The following WDR7 variants were observed in gnomAD, a reference collection of about 807,000 sequenced individuals.
The protein encoded by WDR7 is WD repeat domain 7, also known as WD repeat-containing protein 7.
WDR7 carries 46 observed loss-of-function variants against 169.4 expected under a neutral mutation model. The observed-to-expected ratio is 0.27, with a 90% CI of 0.21 to 0.35. The LOEUF (loss-of-function observed/expected upper bound fraction) is 0.35. WDR7 is among the 10% of genes least tolerant of loss of function. The probability of loss-of-function intolerance (pLI) is 1.00; values close to 1 mark genes in which losing one functional copy is unlikely to be tolerated. For missense variants in WDR7, 1,534 were observed against 1,859.3 expected (o/e 0.83, Z 3.22); for synonymous variants, 612 against 666.8 (o/e 0.92, Z 1.27).
chr18:57,000,760 A>G (rs936691018), intron 26 of WDR7, among the ~76,000 whole-genome samples: 3 of 152,210 alleles, frequency 2.0e-5, no homozygotes, highest in Non-Finnish European at 2.9e-5. Flanking sequence ...TAGACTGTCA[A>G]TTCTGGGACT....
At position 56,756,732 on chromosome 18, in the gene WDR7, T is replaced by C; in HGVS notation, c.2139T>C (p.Ala713=). 1 of 1,614,166 alleles carries C rather than the reference T, an allele frequency of 6.2e-7. No individual in the cohort carries two copies. The highest frequency in any genetic ancestry group is 8.5e-7 in the Non-Finnish European group (1 of 1,180,028). The change falls in exon 15 of 28, where the codon GCT becomes GCC. Residue 713 remains alanine, a synonymous_variant. Transcript: ENST00000254442. Reference sequence around the variant, plus strand: ...AAGAAGCCTCTAGGCCGAATACTGCTCTTATTTCCCCAGAGAATTTGCAAA... The same window carrying C: ...AAGAAGCCTCTAGGCCGAATACTGCCCTTATTTCCCCAGAGAATTTGCAAA... The part of the protein sequence containing the change: ...LTEEASRPNT[A]LISPENLQKA...
chr18:56,906,022 A>T lies in WDR7; in HGVS notation c.3527-17900A>T, dbSNP rs374740440. 8.5e-5 allele frequency among the ~76,000 whole-genome samples: 11 copies of T among 129,138 alleles called. No homozygotes were observed. In the South Asian group the frequency reaches 3.2e-3, roughly 38 times the overall value. 84.7% of individuals were successfully genotyped at this position (129,138 alleles called of 152,430 possible). ...GTAGCCAATAAATGAAGAAGGAATGATGGAATATAATCATTTTGCCACCCC... is the reference window on the plus strand; with the variant it reads ...GTAGCCAATAAATGAAGAAGGAATGTTGGAATATAATCATTTTGCCACCCC... On this transcript the variant is annotated intron_variant, in intron 21 of 27. Transcript: ENST00000254442.
chr18:56,695,225 A>G, intron 11 of WDR7, 27 bp downstream of exon 11: 1 of 1,600,030 alleles, frequency 6.2e-7, no homozygotes, highest in East Asian at 2.2e-5. Context: ...CGTATGTCTA[A>G]AGTGTTTTGA....
intron 19 of WDR7, among the ~76,000 whole-genome samples, chr18:56,792,895 C>T (rs2044516769): frequency 6.6e-6 from 1 of 152,020 alleles, no homozygotes; most frequent in African/African-American, 2.4e-5. Context: ...AATTTGTTGT[C>T]ATGCGGGACA....
chr18:56,652,191 C>T (rs975656926), intron 1 of WDR7, among the ~76,000 whole-genome samples: 1 of 152,034 alleles, frequency 6.6e-6, no homozygotes, highest in African/African-American at 2.4e-5. Context: ...TGTTTTTTAC[C>T]CACTTAGTAT....
chr18:56,860,221 T>C (rs17090390), intron 20 of WDR7, among the ~76,000 whole-genome samples: 14,796 of 152,118 alleles, frequency 0.097, 1,866 homozygotes, highest in African/African-American at 0.29. Context: ...TAAAATTAAC[T>C]CGTATTCTAT....
In WDR7 at chr18:56,932,529, A is replaced by G. The variant is rs546835342; in HGVS notation, c.3714-3259A>G. On this transcript the variant is annotated intron_variant, in intron 22 of 27. Coordinates refer to ENST00000254442, the MANE Select transcript of WDR7 (RefSeq NM_015285.3). ...GTGGCTAGGCCTCTTGGCTTGAAGC[A>G]GCAACCTGCTGGTAGTTTATCTCAT... Among the ~76,000 whole-genome samples the G allele has an allele frequency of 1.4e-4, 22 of 152,326 alleles. No homozygotes were observed. In the South Asian group the frequency reaches 4.4e-3, roughly 30 times the overall value.
intron 16 of WDR7, among the ~76,000 whole-genome samples, chr18:56,769,973 G>T (rs1363980902): frequency 6.6e-6 from 1 of 152,072 alleles, no homozygotes; most frequent in East Asian, 1.9e-4. Flanking sequence ...AGCTCAAAGG[G>T]TAGGGACATT....
intron 14 of WDR7, among the ~76,000 whole-genome samples, chr18:56,744,764 C>A (rs1465286821): frequency 6.6e-6 from 1 of 152,160 alleles, no homozygotes; most frequent in African/African-American, 2.4e-5. Flanking sequence ...TGGGAGGTTT[C>A]AAAGGTTCCC....
intron 20 of WDR7, among the ~76,000 whole-genome samples, chr18:56,854,261 A>G (rs1568232184): frequency 1.3e-5 from 2 of 152,238 alleles, no homozygotes; most frequent in Non-Finnish European, 2.9e-5. Context: ...ACTACAAAAC[A>G]TACTTCCTAT....
At chr18:56,815,906 T>C in intron 19 of WDR7, 125 bp from the exon 20 acceptor site, 2 of 729,548 alleles carry the variant, frequency 2.7e-6, no homozygotes, top group East Asian at 2.8e-5. Context: ...CTAATTTTGG[T>C]GAACATATAT....
intron 21 of WDR7, among the ~76,000 whole-genome samples, chr18:56,893,369 A>G (rs1483513228): frequency 6.6e-6 from 1 of 152,094 alleles, no homozygotes; most frequent in East Asian, 1.9e-4. Flanking sequence ...ACAATTTTTT[A>G]TCAAGAAAGG....
chr18:57,009,924 G>T, intron 26 of WDR7: 1 of 985,362 alleles, frequency 1.0e-6, no homozygotes, highest in Non-Finnish European at 1.2e-6. Flanking sequence ...ACCATCTTCC[G>T]TTAACCATAA....
chr18:56,987,621 A>G (rs542371505), intron 26 of WDR7, among the ~76,000 whole-genome samples: 2 of 152,338 alleles, frequency 1.3e-5, no homozygotes, highest in Admixed American at 6.5e-5. Context: ...AAAGAACTAA[A>G]GTTACGTATT....
Position 56,901,645 on chromosome 18 carries a change from G to A in WDR7, c.3526+21480G>A, listed in dbSNP as rs144732031. The stretch of plus-strand genomic sequence containing the variant: ...TCTTTGATTATAATGTACAATAGAT[G>A]TACAAATTCTATATTTAACTTTTAT... On this transcript the variant is annotated intron_variant, in intron 21 of 27. Transcript: ENST00000254442. Among the ~76,000 whole-genome samples the A allele has an allele frequency of 7.1e-3, 1,079 of 152,220 alleles. 15 individuals are homozygous for A. The highest frequency in any genetic ancestry group is 0.024 in the Middle Eastern group (7 of 294).
At chr18:57,009,496 T>C (rs1004039950) in intron 26 of WDR7, among the ~76,000 whole-genome samples, 5 of 150,974 alleles carry the variant, frequency 3.3e-5, no homozygotes, top group Middle Eastern at 3.4e-3. Context: ...CAGAACAACA[T>C]ACAACATAAA....
chr18:56,917,088 T>G (rs1281333995), intron 21 of WDR7, among the ~76,000 whole-genome samples: 1 of 152,114 alleles, frequency 6.6e-6, no homozygotes, highest in Non-Finnish European at 1.5e-5. Context: ...TCCCAGCTAC[T>G]TGGGAATCTG....
intron 26 of WDR7, among the ~76,000 whole-genome samples, chr18:57,013,824 G>A (rs529646013): frequency 2.6e-5 from 4 of 152,290 alleles, no homozygotes; most frequent in South Asian, 2.1e-4. Flanking sequence ...TAAAGATAAC[G>A]GGGAGCACTG....
At chr18:56,735,131 T>C (rs1222943433) in intron 14 of WDR7, among the ~76,000 whole-genome samples, 1 of 152,184 alleles carries the variant, frequency 6.6e-6, no homozygotes, top group African/African-American at 2.4e-5. Flanking sequence ...GGGAAATGAA[T>C]TGTGAGGTTA....
Sources: gnomAD v4.1 joint callset for allele counts (sites outside exome capture counted in the v4.1 genomes callset) on GRCh38, gnomAD v4.1.1 for gene constraint, MANE v1.5 for transcripts, NCBI Gene and HGNC (gene_info 2026-07-23, HGNC 2026-07-21) for gene names.